The following ZNF678 variants were observed in gnomAD, a reference collection of about 807,000 sequenced individuals.
The protein encoded by ZNF678 is zinc finger protein 678.
In ZNF678, 5 loss-of-function variants were observed where a neutral mutation model predicts 3.0. The observed-to-expected ratio is 1.69, with a 90% CI of 0.88 to 3.56. The LOEUF (loss-of-function observed/expected upper bound fraction) is 3.56, where lower values mean the gene tolerates loss of function less well. ZNF678 is among the 30% of genes most tolerant of loss of function. The pLI is 0.00. For synonymous variants in ZNF678, 218 were observed against 199.6 expected, an observed-to-expected ratio of 1.09 and a Z score of -0.78; for missense variants, 593 against 605.0, an observed-to-expected ratio of 0.98 and a Z score of 0.21.
At chr1:227,664,341 C>T (rs1659465636), downstream of ZNF678, among the ~76,000 whole-genome samples, 2 of 152,092 alleles carry the variant, frequency 1.3e-5, no homozygotes, top group African/African-American at 2.4e-5. Flanking sequence ...TGGTATGAAC[C>T]TGACCATCTC....
chr1:227,653,248 T>C (rs1659131314), intron 3 of ZNF678, among the ~76,000 whole-genome samples: 1 of 152,010 alleles, frequency 6.6e-6, no homozygotes, highest in Non-Finnish European at 1.5e-5. Context: ...TATGGTTCTT[T>C]TTGTGTTTAT....
intron 1 of ZNF678, among the ~76,000 whole-genome samples, chr1:227,627,410 A>G (rs1486139860): frequency 1.3e-5 from 2 of 152,046 alleles, no homozygotes; most frequent in Non-Finnish European, 2.9e-5. Context: ...TCCTTCTATA[A>G]GCATTTCTAA....
chr1:227,630,895 A>G (rs1416132855), intron 1 of ZNF678, among the ~76,000 whole-genome samples: 1 of 152,196 alleles, frequency 6.6e-6, no homozygotes, highest in African/African-American at 2.4e-5. Flanking sequence ...CTTAATGAAA[A>G]GAAAGTTTGA....
chr1:227,604,862 T>C, intron 1 of ZNF678, among the ~76,000 whole-genome samples: 1 of 152,290 alleles, frequency 6.6e-6, no homozygotes, highest in East Asian at 1.9e-4. Context: ...ACTTTTATTT[T>C]ATTTTATTTT....
intron 5 of ZNF678, among the ~76,000 whole-genome samples, chr1:227,668,708 T>C (rs1246468422): frequency 6.6e-6 from 1 of 152,220 alleles, no homozygotes; most frequent in Non-Finnish European, 1.5e-5. Context: ...ATAATTTGAA[T>C]TTTTAATCTA....
In ZNF678 at chr1:227,655,307, G is replaced by T. The variant is rs1035878722; in HGVS notation, c.1057G>T (p.Glu353Ter). The T allele has an allele frequency of 2.5e-6, 4 of 1,611,186 alleles. No individual in the cohort carries two copies. Among genetic ancestry groups the T allele is most frequent in the Non-Finnish European group, 3.4e-6 (4 of 1,178,228 alleles). ...HTGEKPYKCE[E>*]CGRTFTQFSN... ...TGGAGAGAAACCCTACAAATGTGAA[G>T]AATGTGGCAGAACCTTTACTCAATT... The change falls in exon 4 of 4, where the codon GAA becomes TAA. Residue 353 changes from glutamate (E) to a stop codon, truncating the protein, a stop_gained. Transcript: ENST00000343776. LOFTEE classifies it low-confidence loss of function (END_TRUNC).
intron 1 of ZNF678, among the ~76,000 whole-genome samples, chr1:227,565,299 C>T (rs1656647492): frequency 3.3e-5 from 5 of 151,288 alleles, no homozygotes; most frequent in Admixed American, 3.3e-4. Flanking sequence ...CTCTTGACCT[C>T]GTGATCTACC....
chr1:227,627,829 A>G (rs1283060592), intron 1 of ZNF678, among the ~76,000 whole-genome samples: 1 of 152,206 alleles, frequency 6.6e-6, no homozygotes, highest in Non-Finnish European at 1.5e-5. Context: ...TCCTTTTTCT[A>G]CAAAGGAACT....
chr1:227,674,806 T>G (rs1659654967), intron 5 of ZNF678, among the ~76,000 whole-genome samples: 1 of 152,058 alleles, frequency 6.6e-6, no homozygotes, highest in South Asian at 2.1e-4. Context: ...TTTCACCATG[T>G]TGGCCAGGCT....
At chr1:227,651,864 G>A (rs1006838445) in intron 3 of ZNF678, among the ~76,000 whole-genome samples, 7 of 152,142 alleles carry the variant, frequency 4.6e-5, no homozygotes, top group African/African-American at 1.7e-4. Context: ...ATGAGGTATG[G>A]TGCCCGGCTC....
intron 1 of ZNF678, among the ~76,000 whole-genome samples, chr1:227,640,329 GACA>G (rs1658788068): frequency 6.6e-6 from 1 of 152,044 alleles, no homozygotes; most frequent in Admixed American, 6.5e-5. Flanking sequence ...TGGCTGAGAA[GACA>G]ACAAGGAGGC....
chr1:227,618,072 C>T (rs1255834843), intron 1 of ZNF678, among the ~76,000 whole-genome samples: 11 of 152,154 alleles, frequency 7.2e-5, no homozygotes, highest in African/African-American at 2.4e-4. Flanking sequence ...AACAACACTT[C>T]GCCCCTAATA....
At chr1:227,589,981 G>A (rs1471927267) in intron 1 of ZNF678, among the ~76,000 whole-genome samples, 1 of 151,650 alleles carries the variant, frequency 6.6e-6, no homozygotes, top group Non-Finnish European at 1.5e-5. Flanking sequence ...TTTACCATCT[G>A]TGTCTCCCTG....
intron 1 of ZNF678, among the ~76,000 whole-genome samples, chr1:227,591,466 A>G (rs1330548621): frequency 6.6e-6 from 1 of 152,238 alleles, no homozygotes; most frequent in African/African-American, 2.4e-5. Context: ...ATTTTCTGCC[A>G]TATAGCCTCT....
chr1:227,662,458 C>T lies in ZNF678; in HGVS notation c.*6630C>T, dbSNP rs183288998. 16 of 152,214 alleles carry T rather than the reference C, an allele frequency of 1.1e-4. No homozygotes were observed. In the East Asian group the frequency reaches 1.5e-3, roughly 15 times the overall value. 9.4% of individuals were successfully genotyped at this position (152,214 alleles called of 1,614,324 possible). A position where few individuals can be genotyped will look rare whatever the true frequency, so the allele number is the denominator to read the frequency against. On this transcript the variant is annotated 3_prime_UTR_variant, in exon 4 of 4. Coordinates refer to ENST00000343776, the MANE Select transcript of ZNF678 (RefSeq NM_001367909.1). ...ATTTACAATAAACCTTTTGACCTAA[C>T]GCACATACTTGTTTTCTTTAACATT...
At chr1:227,610,803 T>C (rs942712344) in intron 1 of ZNF678, among the ~76,000 whole-genome samples, 9 of 152,182 alleles carry the variant, frequency 5.9e-5, no homozygotes, top group Non-Finnish European at 1.2e-4. Flanking sequence ...AAGTAGGGCA[T>C]AGAAGGGATT....
chr1:227,590,603 G>A (rs762462328), intron 1 of ZNF678, among the ~76,000 whole-genome samples: 2 of 151,650 alleles, frequency 1.3e-5, no homozygotes, highest in African/African-American at 2.4e-5. Context: ...TTCTCTTTTC[G>A]CAGGAAGCAT....
chr1:227,612,603 G>C (rs1374965247), intron 1 of ZNF678, among the ~76,000 whole-genome samples: 6 of 152,150 alleles, frequency 3.9e-5, no homozygotes, highest in Non-Finnish European at 1.5e-5. Context: ...ACCTGGGATA[G>C]CTTTCTACTC....
intron 5 of ZNF678, among the ~76,000 whole-genome samples, chr1:227,672,756 T>A (rs1286202603): frequency 1.3e-5 from 2 of 152,100 alleles, no homozygotes; most frequent in Non-Finnish European, 2.9e-5. Flanking sequence ...GTGCTCTACC[T>A]CACAGGACTA....
Sources: gnomAD v4.1 joint callset for allele counts (sites outside exome capture counted in the v4.1 genomes callset) on GRCh38, gnomAD v4.1.1 for gene constraint, MANE v1.5 for transcripts, NCBI Gene and HGNC (gene_info 2026-07-23, HGNC 2026-07-21) for gene names.